RGS22: variants seen among roughly 807,000 people sequenced by gnomAD.
RGS22 encodes the protein regulator of G-protein signaling 22.
In RGS22, 148 loss-of-function variants were observed where a neutral mutation model predicts 172.9. That is an observed-to-expected ratio of 0.86 (90% CI 0.75 to 0.98). RGS22 has a LOEUF of 0.98. Among genes scored for constraint, RGS22 ranks in the 50% least tolerant of loss-of-function variants. RGS22 has a pLI of 0.00. For synonymous variants in RGS22, 458 were observed against 480.2 expected (o/e 0.95, Z 0.60); for missense variants, 1,347 against 1,440.8 (o/e 0.93, Z 1.05).
chr8:100,064,094 CTTA>C, intron 7 of RGS22, 51 bp from the exon 8 acceptor site: 1 of 1,312,900 alleles, frequency 7.6e-7, no homozygotes, highest in Non-Finnish European at 1.0e-6. Flanking sequence ...ACAAACCTTT[CTTA>C]TTATTAAATA....
intron 1 of RGS22, chr8:100,105,630 C>T (rs903588937): frequency 5.1e-6 from 3 of 589,802 alleles, no homozygotes; most frequent in Non-Finnish European, 6.0e-6. Context: ...TCACTGTGAC[C>T]CAGGAGTTAC....
intron 14 of RGS22, among the ~76,000 whole-genome samples, chr8:100,016,413 G>A (rs1191124885): frequency 6.6e-6 from 1 of 151,238 alleles, no homozygotes; most frequent in African/African-American, 2.4e-5. Flanking sequence ...TTGAATTATT[G>A]TCACCCAAAC....
At chr8:100,087,637 A>T (rs1812262232) in intron 3 of RGS22, among the ~76,000 whole-genome samples, 1 of 152,162 alleles carries the variant, frequency 6.6e-6, no homozygotes, top group South Asian at 2.1e-4. Context: ...AGGTTAATTT[A>T]ATACATGTTC....
Position 100,053,317 on chromosome 8 carries a change from G to T in RGS22, c.1515-341C>A, listed in dbSNP as rs564678077. On this transcript the variant is annotated intron_variant, in intron 9 of 27. Coordinates refer to ENST00000360863, the MANE Select transcript of RGS22 (RefSeq NM_015668.5). ...GGCGCCTGTAACCCCAGCTACTCAG[G>T]GGGGTGAGGCAGGAGATTTGCTTGA... Among the ~76,000 whole-genome samples, 55 of 152,128 alleles carry T rather than the reference G, an allele frequency of 3.6e-4. No homozygotes were observed. In the East Asian group the frequency reaches 9.3e-3, roughly 26 times the overall value.
chr8:99,986,457 C>T (rs969993232), intron 21 of RGS22, among the ~76,000 whole-genome samples: 1 of 152,110 alleles, frequency 6.6e-6, no homozygotes, highest in African/African-American at 2.4e-5. Flanking sequence ...TTTTATTCCT[C>T]ATGTTTACAA....
chr8:100,032,555 C>T (rs1264700490), intron 14 of RGS22, among the ~76,000 whole-genome samples: 3 of 152,066 alleles, frequency 2.0e-5, no homozygotes, highest in Non-Finnish European at 4.4e-5. Context: ...TAGACTCCCA[C>T]ACAATAATAA....
At chr8:100,096,974 T>A (rs1481571493) in intron 2 of RGS22, among the ~76,000 whole-genome samples, 1 of 152,210 alleles carries the variant, frequency 6.6e-6, no homozygotes, top group Non-Finnish European at 1.5e-5. Context: ...AAAGACGTTA[T>A]CTGGTAAGAT....
At chr8:100,075,282 A>G (rs1811270347) in intron 4 of RGS22, among the ~76,000 whole-genome samples, 1 of 152,068 alleles carries the variant, frequency 6.6e-6, no homozygotes, top group African/African-American at 2.4e-5. Context: ...CCTCATGGTA[A>G]TAAGTGAGTT....
At chr8:100,102,987 G>A (rs1813618781) in intron 2 of RGS22, among the ~76,000 whole-genome samples, 1 of 152,222 alleles carries the variant, frequency 6.6e-6, no homozygotes, top group Non-Finnish European at 1.5e-5. Context: ...AATGTAGGCA[G>A]TAATAACCAC....
At chr8:100,043,734 C>T (rs899880141) in intron 11 of RGS22, among the ~76,000 whole-genome samples, 5 of 151,892 alleles carry the variant, frequency 3.3e-5, no homozygotes, top group Admixed American at 2.0e-4. Flanking sequence ...CAAGATTGCG[C>T]CACTGCACTC....
At position 100,071,385 on chromosome 8, in the gene RGS22, T is replaced by A. The variant is rs201436457; in HGVS notation, c.578A>T (p.Tyr193Phe). The A allele has an allele frequency of 3.1e-6, 5 of 1,610,178 alleles. No individual in the cohort carries two copies. Among genetic ancestry groups the A allele is most frequent in the East Asian group, 2.2e-5 (1 of 44,748 alleles). The change falls in exon 6 of 28, where the codon TAT (tyrosine) becomes TTT (phenylalanine). Residue 193 changes from tyrosine to phenylalanine, a missense_variant. Transcript: ENST00000360863. ...EDNLVIMKKF[Y>F]VSLGEASYTQ... The stretch of plus-strand genomic sequence containing the variant: ...TACTTTTACCTCACCAAGTGATACA[T>A]AGAACTTTTTCATAATTACAAGATT...
chr8:100,008,744 A>C (rs750806125), intron 14 of RGS22, among the ~76,000 whole-genome samples, 175 bp from the exon 15 acceptor site: 28 of 152,150 alleles, frequency 1.8e-4, no homozygotes, highest in Non-Finnish European at 4.4e-5. Flanking sequence ...TATTCGAAAG[A>C]CTTTGTTTTT....
intron 14 of RGS22, among the ~76,000 whole-genome samples, chr8:100,016,474 C>G (rs1816966378): frequency 6.6e-6 from 1 of 151,996 alleles, no homozygotes; most frequent in South Asian, 2.1e-4. Flanking sequence ...CCAGCATAAT[C>G]CTTAAGAATA....
rs142381872 is a variant in RGS22, at chr8:99,985,696, T to C, written c.3180+1762A>G. 2.2e-3 allele frequency among the ~76,000 whole-genome samples: 337 copies of C among 152,316 alleles called. 3 individuals are homozygous for C. Among genetic ancestry groups the C allele is most frequent in the South Asian group, 0.012 (59 of 4,826 alleles). ...ATGCTTTTTAATAGCTACCTAGTAT[T>C]GTAAGTCTGTCATGCTATATTGTAG... On this transcript the variant is annotated intron_variant, in intron 21 of 27. Transcript: ENST00000360863.
At chr8:100,049,027 T>A (rs1300471273) in intron 10 of RGS22, among the ~76,000 whole-genome samples, 2 of 152,170 alleles carry the variant, frequency 1.3e-5, no homozygotes, top group Non-Finnish European at 2.9e-5. Flanking sequence ...TAAAAAAAAT[T>A]AACATATCAT....
chr8:100,006,764 T>A (rs1370876176), intron 15 of RGS22, among the ~76,000 whole-genome samples: 1 of 152,194 alleles, frequency 6.6e-6, no homozygotes, highest in Non-Finnish European at 1.5e-5. Context: ...TACAGTCAGC[T>A]GATCTTTTAG....
intron 14 of RGS22, among the ~76,000 whole-genome samples, chr8:100,023,355 C>T (rs1388861606): frequency 1.3e-5 from 2 of 152,182 alleles, no homozygotes; most frequent in Non-Finnish European, 2.9e-5. Flanking sequence ...CAAGGTCTGC[C>T]TCTGAGACAC....
At chr8:100,062,848 TAA>T in intron 8 of RGS22, 96 bp from the exon 9 acceptor site, 1 of 1,001,546 alleles carries the variant, frequency 1.0e-6, no homozygotes, top group Non-Finnish European at 1.5e-6. Flanking sequence ...AAACACAAGT[TAA>T]AGACTTTCCT....
intron 14 of RGS22, among the ~76,000 whole-genome samples, chr8:100,010,175 T>A (rs542291779): frequency 1.3e-5 from 2 of 152,052 alleles, no homozygotes; most frequent in Non-Finnish European, 2.9e-5. Context: ...GTCTGCTTGA[T>A]AAACTAATTT....
Sources: gnomAD v4.1 joint callset for allele counts (sites outside exome capture counted in the v4.1 genomes callset) on GRCh38, gnomAD v4.1.1 for gene constraint, MANE v1.5 for transcripts, NCBI Gene and HGNC (gene_info 2026-07-23, HGNC 2026-07-21) for gene names.